WASF2: variants seen among roughly 807,000 people sequenced by gnomAD.
WASF2 encodes WASP family member 2.
Under a neutral mutation model 45.0 loss-of-function variants are expected in WASF2, and 14 were observed. The observed-to-expected ratio is 0.31, with a 90% CI of 0.21 to 0.49. The LOEUF is 0.49. Among genes scored for constraint, WASF2 ranks in the 20% least tolerant of loss-of-function variants. The pLI is 0.99. For missense variants in WASF2, 439 were observed against 636.1 expected, an observed-to-expected ratio of 0.69 and a Z score of 3.33; for synonymous variants, 200 against 236.3, an observed-to-expected ratio of 0.85 and a Z score of 1.41.
intron 6 of WASF2, among the ~76,000 whole-genome samples, chr1:27,413,760 A>G (rs574360656): frequency 6.6e-6 from 1 of 152,350 alleles, no homozygotes; most frequent in African/African-American, 2.4e-5. Context: ...TTCTGGCCTT[A>G]GAGTCATTGA....
intron 1 of WASF2, among the ~76,000 whole-genome samples, chr1:27,482,866 C>T (rs1571169108): frequency 6.6e-6 from 1 of 152,092 alleles, no homozygotes; most frequent in Admixed American, 6.6e-5. Context: ...GATACAGTAG[C>T]TCACAACAGG....
At chr1:27,481,929 T>C (rs1024653836) in intron 1 of WASF2, among the ~76,000 whole-genome samples, 3 of 152,198 alleles carry the variant, frequency 2.0e-5, no homozygotes, top group Non-Finnish European at 2.9e-5. Context: ...AGCAAATTTT[T>C]CTGAGATACT....
intron 1 of WASF2, chr1:27,459,236 C>A (rs1220734552): frequency 1.3e-5 from 2 of 152,238 alleles, no homozygotes; most frequent in African/African-American, 2.4e-5. Flanking sequence ...TCATACCTCA[C>A]TGTAGCTTCA....
intron 1 of WASF2, among the ~76,000 whole-genome samples, chr1:27,449,017 C>T (rs1305729539): frequency 1.3e-5 from 2 of 152,052 alleles, no homozygotes; most frequent in Non-Finnish European, 2.9e-5. Context: ...AGTTTGACCA[C>T]CCACCACAAC....
chr1:27,418,842 A>T, intron 3 of WASF2, 112 bp downstream of exon 3: 1 of 1,321,152 alleles, frequency 7.6e-7, no homozygotes, highest in Non-Finnish European at 1.0e-6. Flanking sequence ...AGAACTCTAT[A>T]GGTCTCTGTG....
chr1:27,472,103 CG>C (rs770040558), intron 1 of WASF2, among the ~76,000 whole-genome samples: 6 of 152,028 alleles, frequency 3.9e-5, no homozygotes, highest in Non-Finnish European at 7.4e-5. Context: ...GAGGCAGAGG[CG>C]GGCAGATCAC....
chr1:27,424,451 T>A (rs1452826667), intron 2 of WASF2, among the ~76,000 whole-genome samples: 3 of 152,202 alleles, frequency 2.0e-5, no homozygotes, highest in African/African-American at 7.2e-5. Context: ...ATTTACTGAG[T>A]TTCTACTGGG....
rs1257308666 is a variant in WASF2, at chr1:27,490,038, TCTCCGCACAGA to T, written c.-107_-97del. The T allele has an allele frequency of 5.9e-5, 9 of 152,190 alleles. No individual in the cohort carries two copies. Among genetic ancestry groups the T allele is most frequent in the African/African-American group, 1.9e-4 (8 of 41,400 alleles). The allele number at this position is 152,190 out of a possible 1,614,324, so 9.4% of individuals were successfully genotyped here. A position where few individuals can be genotyped will look rare whatever the true frequency, so the allele number is the denominator to read the frequency against. On this transcript the variant is annotated 5_prime_UTR_variant, in exon 1 of 9. Coordinates refer to ENST00000618852, the MANE Select transcript of WASF2 (RefSeq NM_006990.5). ...CAGGAAGGGTCGGCCGGCCGCCCAG[TCTCCGCACAGA>T]GTGTGCTCCCGCGGACCGCCTCGCG...
At chr1:27,486,285 C>T (rs1224367685) in intron 1 of WASF2, among the ~76,000 whole-genome samples, 2 of 152,044 alleles carry the variant, frequency 1.3e-5, no homozygotes, top group Non-Finnish European at 2.9e-5. Context: ...TTCTAAAACC[C>T]CAAAATCCAA....
At chr1:27,476,810 T>A (rs1376219200) in intron 1 of WASF2, among the ~76,000 whole-genome samples, 1 of 152,188 alleles carries the variant, frequency 6.6e-6, no homozygotes, top group Non-Finnish European at 1.5e-5. Context: ...CTTCCCAGTT[T>A]GCAGATGACT....
intron 1 of WASF2, among the ~76,000 whole-genome samples, chr1:27,435,708 G>C (rs1311497639): frequency 6.6e-6 from 1 of 152,200 alleles, no homozygotes; most frequent in Non-Finnish European, 1.5e-5. Context: ...ATCTGTGAGA[G>C]AAGGGAGGAT....
In WASF2 at chr1:27,405,125, CG is replaced by C. The variant is rs1230492776; in HGVS notation, c.*3063del. ...CTGCAGAGTCAGAGGATGGGCGCCACGGGAAGAGATTTCACATTAGCCGTGA... is the reference window on the plus strand; with the variant it reads ...CTGCAGAGTCAGAGGATGGGCGCCACGGAAGAGATTTCACATTAGCCGTGA... On this transcript the variant is annotated 3_prime_UTR_variant, in exon 9 of 9. Transcript: ENST00000618852. The C allele has an allele frequency of 6.6e-6, 1 of 152,304 alleles. No individual in the cohort carries two copies. The highest frequency in any genetic ancestry group is 1.5e-5 in the Non-Finnish European group (1 of 68,084). 9.4% of individuals were successfully genotyped at this position (152,304 alleles called of 1,614,324 possible).
At chr1:27,435,188 C>T (rs922749158) in intron 1 of WASF2, among the ~76,000 whole-genome samples, 5 of 152,124 alleles carry the variant, frequency 3.3e-5, no homozygotes, top group Non-Finnish European at 5.9e-5. Context: ...CTAAGTGATC[C>T]GCCCACCTTG....
chr1:27,466,048 T>C (rs7417012), intron 1 of WASF2, among the ~76,000 whole-genome samples: 14,903 of 152,206 alleles, frequency 0.098, 818 homozygotes, highest in African/African-American at 0.15. Flanking sequence ...TTCCTGATCA[T>C]GCCCTAAAAA....
intron 1 of WASF2, among the ~76,000 whole-genome samples, chr1:27,456,141 TA>T (rs2017463167): frequency 6.6e-6 from 1 of 151,660 alleles, no homozygotes; most frequent in Admixed American, 6.6e-5. Context: ...GCTAACACAA[TA>T]AAACCCCATC....
intron 1 of WASF2, among the ~76,000 whole-genome samples, chr1:27,449,377 T>C (rs1465976635): frequency 6.6e-6 from 1 of 151,948 alleles, no homozygotes; most frequent in Non-Finnish European, 1.5e-5. Flanking sequence ...GAGGGCCCTA[T>C]CACTTGAGGT....
chr1:27,450,947 A>G (rs1160757391), intron 1 of WASF2, among the ~76,000 whole-genome samples: 1 of 151,688 alleles, frequency 6.6e-6, no homozygotes, highest in East Asian at 1.9e-4. Flanking sequence ...ATGGTGGCTC[A>G]CACCTGTAAT....
At chr1:27,436,978 T>C (rs1192088005) in intron 1 of WASF2, among the ~76,000 whole-genome samples, 1 of 152,242 alleles carries the variant, frequency 6.6e-6, no homozygotes, top group Non-Finnish European at 1.5e-5. Context: ...TGTCTTGATA[T>C]GGCTTTAAGA....
At chr1:27,484,384 A>G (rs1342372626) in intron 1 of WASF2, among the ~76,000 whole-genome samples, 1 of 152,204 alleles carries the variant, frequency 6.6e-6, no homozygotes, top group Non-Finnish European at 1.5e-5. Flanking sequence ...CACTTAAAAT[A>G]AAAATACTCA....
Sources: gnomAD v4.1 joint callset for allele counts (sites outside exome capture counted in the v4.1 genomes callset) on GRCh38, gnomAD v4.1.1 for gene constraint, MANE v1.5 for transcripts, NCBI Gene and HGNC (gene_info 2026-07-23, HGNC 2026-07-21) for gene names.